Variants in STIP1 observed in about 807,000 individuals in gnomAD.
STIP1 encodes the protein stress-induced-phosphoprotein 1.
A neutral mutation model predicts 77.4 loss-of-function variants in STIP1; 16 were observed. That is an observed-to-expected ratio of 0.21 (90% CI 0.14 to 0.31). The LOEUF is 0.31. Ranked by LOEUF, STIP1 falls within the 10% of genes least tolerant of loss-of-function variation. The probability of loss-of-function intolerance (pLI) is 1.00; values close to 1 mark genes in which losing one functional copy is unlikely to be tolerated. For synonymous variants in STIP1, 258 were observed against 246.6 expected (o/e 1.05, Z -0.44); for missense variants, 524 against 684.8 (o/e 0.77, Z 2.62).
chr11:64,201,154 C>A (rs997362692), intron 10 of STIP1, among the ~76,000 whole-genome samples: 2 of 152,174 alleles, frequency 1.3e-5, no homozygotes, highest in Non-Finnish European at 2.9e-5. Context: ...ATCCTCCCAC[C>A]TCAGCCTCCT....
chr11:64,194,896 A>G (rs1946131678), intron 4 of STIP1, among the ~76,000 whole-genome samples: 1 of 151,920 alleles, frequency 6.6e-6, no homozygotes, highest in Non-Finnish European at 1.5e-5. Flanking sequence ...CTTTCCATCT[A>G]CTTAGGCCCT....
At chr11:64,197,810 T>G (rs1428520627) in intron 7 of STIP1, 44 bp from the exon 8 acceptor site, 1 of 1,595,608 alleles carries the variant, frequency 6.3e-7, no homozygotes, top group Non-Finnish European at 8.5e-7. Flanking sequence ...GAGCTGACTT[T>G]ATCTCTCTGT....
At chr11:64,185,636 A>G, upstream of STIP1, 1 of 730,066 alleles carries the variant, frequency 1.4e-6, no homozygotes, top group Non-Finnish European at 2.2e-6. Flanking sequence ...AGCGAGAGGG[A>G]AAGCAACCCA....
intron 12 of STIP1, 90 bp from the exon 13 acceptor site, chr11:64,203,360 C>A: frequency 6.3e-7 from 1 of 1,590,278 alleles, no homozygotes; most frequent in South Asian, 1.1e-5. Flanking sequence ...TCTCTCTCCC[C>A]TTGTCAGTTA....
At chr11:64,189,020 A>C (rs3862371) in intron 1 of STIP1, among the ~76,000 whole-genome samples, 15,979 of 152,196 alleles carry the variant, frequency 0.1, 1,083 homozygotes, top group Non-Finnish European at 0.16. Flanking sequence ...TTTGAGACCA[A>C]CCTGTCCAGC....
chr11:64,195,386 G>A (rs1014599230), intron 4 of STIP1, among the ~76,000 whole-genome samples: 8 of 152,184 alleles, frequency 5.3e-5, no homozygotes, highest in Admixed American at 3.9e-4. Context: ...AAAGTGCTGG[G>A]ATTACAGGTG....
Position 64,204,264 on chromosome 11 carries a change from C to G in STIP1, c.*138C>G, listed in dbSNP as rs1051369580. On this transcript the variant is annotated 3_prime_UTR_variant, in exon 14 of 14. Transcript: ENST00000305218. ...TATTTATACATAACCCCGGGGAAGA[C>G]ACAGAGACTCGTACCTGCGCTGTTT... The G allele has an allele frequency of 1.8e-5, 15 of 841,326 alleles. No homozygotes were observed. The South Asian group carries it at 2.4e-4, about 13-fold the overall frequency. 52.1% of individuals were successfully genotyped at this position (841,326 alleles called of 1,614,324 possible).
chr11:64,185,733 T>C, upstream of STIP1: 1 of 1,481,236 alleles, frequency 6.8e-7, no homozygotes, highest in Non-Finnish European at 9.0e-7. Context: ...AAACCCGGCC[T>C]TTTGAAGGGC....
rs1337671248 is a variant in STIP1, at chr11:64,186,411, G to A, written c.9+141G>A. 26 of 967,750 alleles carry A rather than the reference G, an allele frequency of 2.7e-5. No individual in the cohort carries two copies. In the Admixed American group the frequency reaches 1.1e-3, roughly 41 times the overall value. The allele number at this position is 967,750 out of a possible 1,614,324, so 59.9% of individuals were successfully genotyped here. ...GGCCGGACGGGGCGGCGGCGGGGAG[G>A]TGAGGGCCGCGGGCGGCGGGCGGGA... On this transcript the variant is annotated intron_variant, in intron 1 of 13. Transcript: ENST00000305218.
At position 64,196,866 on chromosome 11, in the gene STIP1, C is replaced by T. The variant is rs188205652; in HGVS notation, c.673-405C>T. On this transcript the variant is annotated intron_variant, in intron 5 of 13. Transcript: ENST00000305218. ...GCCGCTTCTCATCCTCTCACCACCC[C>T]CTCTGCTATGGTTCCCTGACAACTA... 7 of 182,684 alleles carry T rather than the reference C, an allele frequency of 3.8e-5. No individual in the cohort carries two copies. The East Asian group carries it at 9.6e-4, about 25-fold the overall frequency. 11.3% of individuals were successfully genotyped at this position (182,684 alleles called of 1,614,324 possible).
chr11:64,194,272 C>A lies in STIP1; in HGVS notation c.303C>A (p.His101Gln), dbSNP rs142330035. Residue 101 changes from histidine to glutamine, a missense_variant, in exon 3 of 14, where the codon CAC becomes CAA. By Grantham distance (24) the His-to-Gln change is conservative (BLOSUM62 0). Coordinates refer to ENST00000305218, the MANE Select transcript of STIP1 (RefSeq NM_006819.3). The stretch of plus-strand genomic sequence containing the variant: ...GAACCTATGAGGAGGGCTTAAAACA[C>A]GAGGCAAATAACCCTCAACTGAAAG... The part of the protein sequence containing the change: ...AKRTYEEGLK[H>Q]EANNPQLKEG... 1.2e-6 allele frequency: 2 copies of A among 1,614,156 alleles called. No individual in the cohort carries two copies.
At chr11:64,203,643 G>A (rs1946246358) in intron 13 of STIP1, 21 bp downstream of exon 13, 4 of 1,613,982 alleles carry the variant, frequency 2.5e-6, no homozygotes, top group South Asian at 1.1e-5. Context: ...TCAGAGAGGC[G>A]GCCTTGCTGG....
At chr11:64,194,436 G>C in intron 3 of STIP1, 43 bp from the exon 4 acceptor site, 1 of 1,612,764 alleles carries the variant, frequency 6.2e-7, no homozygotes, top group Non-Finnish European at 8.5e-7. Context: ...AGTAATTCTA[G>C]TGAACTCATT....
intron 3 of STIP1, 73 bp from the exon 4 acceptor site, chr11:64,194,406 T>C (rs1307741050): frequency 1.2e-6 from 2 of 1,610,698 alleles, no homozygotes; most frequent in Non-Finnish European, 1.7e-6. Flanking sequence ...GAAATGTCAG[T>C]CTGGTAGGGT....
intron 5 of STIP1, among the ~76,000 whole-genome samples, chr11:64,196,395 CAAAA>C (rs57497154): frequency 1.9e-4 from 13 of 69,592 alleles, no homozygotes; most frequent in Admixed American, 8.1e-4. Context: ...GACTCCATCT[CAAAA>C]AAAAAAAAAA....
chr11:64,201,036 TAAA>T (rs35305932), intron 10 of STIP1, among the ~76,000 whole-genome samples: 2 of 129,814 alleles, frequency 1.5e-5, no homozygotes, highest in African/African-American at 3.0e-5. Context: ...CCCCTTTTTT[TAAA>T]AAAAAAAAAA....
At chr11:64,189,185 A>G (rs1182738836) in intron 1 of STIP1, among the ~76,000 whole-genome samples, 3 of 152,132 alleles carry the variant, frequency 2.0e-5, no homozygotes, top group Non-Finnish European at 4.4e-5. Flanking sequence ...ATATGGTGAA[A>G]CCCTGTCTCT....
At chr11:64,203,835 G>A in intron 13 of STIP1, 2 of 770,218 alleles carry the variant, frequency 2.6e-6, no homozygotes, top group Non-Finnish European at 2.1e-6. Context: ...CCATTTAGCT[G>A]GGAGAAAGGT....
chr11:64,185,926 C>T, upstream of STIP1: 1 of 1,536,368 alleles, frequency 6.5e-7, no homozygotes, highest in Non-Finnish European at 8.7e-7. Flanking sequence ...AAAGACCAAT[C>T]CGTGTCGCAG....
Sources: allele counts gnomAD v4.1 joint callset (sites outside exome capture counted in the v4.1 genomes callset), GRCh38; gene constraint gnomAD v4.1.1; transcripts MANE v1.5; gene names NCBI Gene and HGNC (gene_info 2026-07-23, HGNC 2026-07-21).